Variants in AGMO observed in about 807,000 individuals in gnomAD.
AGMO encodes the protein glyceryl-ether monooxygenase.
A neutral mutation model predicts 60.2 loss-of-function variants in AGMO; 75 were observed. The observed-to-expected ratio is 1.25, with a 90% confidence interval of 1.03 to 1.51. The LOEUF (loss-of-function observed/expected upper bound fraction) is 1.51. Among genes scored for constraint, AGMO ranks in the 40% most tolerant of loss-of-function variants. The probability of loss-of-function intolerance (pLI) is 0.00; values close to 1 mark genes in which losing one functional copy is unlikely to be tolerated. For synonymous variants in AGMO, 261 were observed against 177.1 expected (o/e 1.47, Z -3.76); for missense variants, 763 against 525.5 (o/e 1.45, Z -4.42).
intron 12 of AGMO, among the ~76,000 whole-genome samples, chr7:15,251,968 T>C (rs968301635): frequency 2.0e-5 from 3 of 152,232 alleles, no homozygotes; most frequent in African/African-American, 4.8e-5. Context: ...AGTTCATTCA[T>C]AGTTTGCTCC....
At chr7:15,420,458 A>G (rs1229330866) in intron 4 of AGMO, among the ~76,000 whole-genome samples, 1 of 152,158 alleles carries the variant, frequency 6.6e-6, no homozygotes, top group African/African-American at 2.4e-5. Flanking sequence ...CCAAAATACT[A>G]TATTTCTAAC....
At chr7:15,357,585 TAG>T (rs772843778) in intron 12 of AGMO, among the ~76,000 whole-genome samples, 4 of 152,200 alleles carry the variant, frequency 2.6e-5, no homozygotes, top group African/African-American at 7.2e-5. Context: ...CAGAAATATA[TAG>T]AGTCTCTGAG....
intron 3 of AGMO, among the ~76,000 whole-genome samples, chr7:15,475,315 G>C (rs1361398707): frequency 6.6e-6 from 1 of 152,064 alleles, no homozygotes; most frequent in Non-Finnish European, 1.5e-5. Context: ...TGACAGACTG[G>C]ATAAAGAAAA....
At chr7:15,418,447 A>C in intron 5 of AGMO, 111 bp downstream of exon 5, 1 of 663,848 alleles carries the variant, frequency 1.5e-6, no homozygotes. Context: ...TCTCCTTAGA[A>C]AAGGCAGACA....
chr7:15,386,986 G>C (rs184671488), intron 9 of AGMO, among the ~76,000 whole-genome samples: 634 of 152,242 alleles, frequency 4.2e-3, no homozygotes, highest in Middle Eastern at 6.8e-3. Context: ...TGTGACTTTA[G>C]ATACATCTGT....
intron 12 of AGMO, among the ~76,000 whole-genome samples, chr7:15,278,735 C>T (rs1365967438): frequency 6.6e-6 from 1 of 152,182 alleles, no homozygotes; most frequent in Non-Finnish European, 1.5e-5. Flanking sequence ...TCACTCCCTC[C>T]CTGGTCCAGG....
intron 3 of AGMO, among the ~76,000 whole-genome samples, chr7:15,502,050 T>C (rs1783400400): frequency 6.6e-6 from 1 of 152,090 alleles, no homozygotes; most frequent in African/African-American, 2.4e-5. Flanking sequence ...AGCCCGAATC[T>C]CAGATTTTGG....
At chr7:15,442,839 G>A (rs532380404) in intron 3 of AGMO, among the ~76,000 whole-genome samples, 24 of 152,220 alleles carry the variant, frequency 1.6e-4, no homozygotes, top group East Asian at 7.8e-4. Context: ...GCTGGACATC[G>A]AGAGGAACAC....
chr7:15,496,674 T>TGTGA (rs1242302599), intron 3 of AGMO, among the ~76,000 whole-genome samples: 1 of 152,184 alleles, frequency 6.6e-6, no homozygotes, highest in African/African-American at 2.4e-5. Context: ...TGGGTGGTTA[T>TGTGA]GTGAGTGTTT....
At chr7:15,392,350 C>T (rs995984692) in intron 6 of AGMO, among the ~76,000 whole-genome samples, 1 of 151,676 alleles carries the variant, frequency 6.6e-6, no homozygotes, top group Non-Finnish European at 1.5e-5. Context: ...GGATTACAGG[C>T]GTGAGTCAAC....
intron 8 of AGMO, among the ~76,000 whole-genome samples, chr7:15,388,476 T>C (rs1020255164): frequency 2.0e-5 from 3 of 152,354 alleles, no homozygotes; most frequent in East Asian, 3.9e-4. Context: ...TGTACATTAA[T>C]ATACTTAATT....
chr7:15,483,563 C>CT (rs1180109789), intron 3 of AGMO, among the ~76,000 whole-genome samples: 4 of 150,402 alleles, frequency 2.7e-5, no homozygotes, highest in Non-Finnish European at 5.9e-5. Flanking sequence ...GAGCAAGACT[C>CT]TGTCTCAAAA....
chr7:15,182,008 C>T, the AGMO span, among the ~76,000 whole-genome samples: 2 of 152,160 alleles, frequency 1.3e-5, no homozygotes, highest in Admixed American at 6.6e-5. Flanking sequence ...TTGGTATATA[C>T]ATCAGGAATA....
intron 3 of AGMO, among the ~76,000 whole-genome samples, chr7:15,526,770 C>G (rs977677291): frequency 6.6e-6 from 1 of 152,108 alleles, no homozygotes; most frequent in African/African-American, 2.4e-5. Flanking sequence ...TTTGTGGCAA[C>G]CTTGTGTCTA....
At chr7:15,169,051 G>T in the AGMO span, among the ~76,000 whole-genome samples, 3 of 152,210 alleles carry the variant, frequency 2.0e-5, no homozygotes, top group Non-Finnish European at 4.4e-5. Context: ...GTCCCAGGTG[G>T]ATAACCAGAT....
At position 15,366,149 on chromosome 7, in the gene AGMO, A is replaced by C; in HGVS notation, c.1148T>G (p.Leu383Arg). ...ILTLTSIGFL[L>R]DQRPKAAIME... ...GAATTTCACTTCTTGCCTTTGATCCAGAAGAAATCCAATGGAAGTCAAGGT... is the reference window on the plus strand; with the variant it reads ...GAATTTCACTTCTTGCCTTTGATCCCGAAGAAATCCAATGGAAGTCAAGGT... Residue 383 changes from leucine (L) to arginine (R), a missense_variant, in exon 11 of 13, where the codon CTG (leucine) becomes CGG (arginine). By Grantham distance (102) the Leu-to-Arg change is moderately radical. Transcript: ENST00000342526. 6.2e-7 allele frequency: 1 copy of C among 1,606,858 alleles called. No homozygotes were observed. The highest frequency in any genetic ancestry group is 8.5e-7 in the Non-Finnish European group (1 of 1,175,826).
the AGMO span, among the ~76,000 whole-genome samples, chr7:15,156,164 C>T: frequency 5.9e-5 from 9 of 152,196 alleles, no homozygotes; most frequent in South Asian, 8.3e-4. Flanking sequence ...AAGGTGATGG[C>T]GGGAGGCTAT....
the AGMO span, among the ~76,000 whole-genome samples, chr7:15,149,307 G>A: frequency 6.6e-6 from 1 of 152,112 alleles, no homozygotes; most frequent in African/African-American, 2.4e-5. Context: ...GCATGCAGAA[G>A]TTCTTTAGTG....
At chr7:15,470,054 G>T (rs531013837) in intron 3 of AGMO, among the ~76,000 whole-genome samples, 1 of 152,018 alleles carries the variant, frequency 6.6e-6, no homozygotes, top group Admixed American at 6.6e-5. Context: ...CACTTTTTAA[G>T]GCAAAAAATG....
Sources: gnomAD v4.1 joint callset for allele counts (sites outside exome capture counted in the v4.1 genomes callset) on GRCh38, gnomAD v4.1.1 for gene constraint, MANE v1.5 for transcripts, NCBI Gene and HGNC (gene_info 2026-07-23, HGNC 2026-07-21) for gene names.